Variants in INTS9 observed in about 807,000 individuals in gnomAD.
The protein encoded by INTS9 is protein related to CPSF subunits of 74 kDa.
A neutral mutation model predicts 79.7 loss-of-function variants in INTS9; 55 were observed. The observed-to-expected ratio is 0.69, with a 90% CI of 0.56 to 0.86. The LOEUF (loss-of-function observed/expected upper bound fraction) is 0.86, where lower values mean the gene tolerates loss of function less well. Ranked by LOEUF, INTS9 falls within the 40% of genes least tolerant of loss-of-function variation. The pLI, the probability that INTS9 is intolerant of heterozygous loss-of-function variation, is 0.00. For missense variants in INTS9, 721 were observed against 831.5 expected (o/e 0.87, Z 1.64); for synonymous variants, 319 against 325.2 (o/e 0.98, Z 0.20).
chr8:28,788,153 A>G (rs184806917), intron 10 of INTS9, among the ~76,000 whole-genome samples: 2 of 152,350 alleles, frequency 1.3e-5, no homozygotes, highest in East Asian at 3.8e-4. Context: ...GAAAAGCTGC[A>G]AAGACAGTAC....
rs541906475 is a variant in INTS9 at position 28,867,459 on chromosome 8, C to T, written c.10-7896G>A. Among the ~76,000 whole-genome samples, 304 of 151,546 alleles carry T rather than the reference C, an allele frequency of 2.0e-3. 3 individuals are homozygous for T. Among genetic ancestry groups the T allele is most frequent in the African/African-American group, 6.9e-3 (286 of 41,262 alleles). ...CAGGTGTGGTGGCGTGAGCCTTAAT[C>T]CCAGCTACTTGGGAGGCTGAGACAG... is the stretch of plus-strand genomic sequence containing the variant. On this transcript the variant is annotated intron_variant, in intron 1 of 16. Coordinates refer to ENST00000521022, the MANE Select transcript of INTS9 (RefSeq NM_018250.4).
chr8:28,885,229 TA>T (rs1164740225), intron 1 of INTS9, among the ~76,000 whole-genome samples: 1 of 152,256 alleles, frequency 6.6e-6, no homozygotes. Context: ...TCTCAAGTTT[TA>T]AAATTTGTAA....
At chr8:28,812,243 A>AATGG in intron 8 of INTS9, 84 bp downstream of exon 8, 7 of 1,357,002 alleles carry the variant, frequency 5.2e-6, no homozygotes, top group Non-Finnish European at 7.2e-6. Flanking sequence ...AAGATTTAAA[A>AATGG]ATGGCTGATG....
At chr8:28,836,386 A>G (rs1806808492) in intron 5 of INTS9, among the ~76,000 whole-genome samples, 1 of 152,208 alleles carries the variant, frequency 6.6e-6, no homozygotes, top group Non-Finnish European at 1.5e-5. Context: ...CCACAAAGGT[A>G]GAAATGGATT....
At chr8:28,851,377 T>A (rs1229243331) in intron 2 of INTS9, among the ~76,000 whole-genome samples, 1 of 152,024 alleles carries the variant, frequency 6.6e-6, no homozygotes, top group Non-Finnish European at 1.5e-5. Flanking sequence ...TATAAATGCA[T>A]CTATTTTCAG....
chr8:28,860,476 T>A (rs773169706), intron 1 of INTS9, among the ~76,000 whole-genome samples: 25 of 140,382 alleles, frequency 1.8e-4, no homozygotes, highest in African/African-American at 6.3e-4. Flanking sequence ...CATTCTCTCC[T>A]TTTTTTTTTT....
At chr8:28,883,097 C>A (rs777196919) in intron 1 of INTS9, among the ~76,000 whole-genome samples, 1 of 152,200 alleles carries the variant, frequency 6.6e-6, no homozygotes, top group Non-Finnish European at 1.5e-5. Flanking sequence ...CAACTCCAGG[C>A]TTCCTCTCAC....
intron 4 of INTS9, among the ~76,000 whole-genome samples, chr8:28,842,579 G>A (rs899511981): frequency 6.6e-6 from 1 of 152,040 alleles, no homozygotes; most frequent in Non-Finnish European, 1.5e-5. Flanking sequence ...ACTCATCTTG[G>A]TCGGGTCATC....
At chr8:28,811,570 GC>G (rs1460598736) in intron 8 of INTS9, among the ~76,000 whole-genome samples, 1 of 152,108 alleles carries the variant, frequency 6.6e-6, no homozygotes, top group Non-Finnish European at 1.5e-5. Context: ...CACAGCGTGT[GC>G]CACCACACCC....
chr8:28,800,083 TACTATTTAC>T (rs1804437130), intron 8 of INTS9, among the ~76,000 whole-genome samples: 8 of 152,182 alleles, frequency 5.3e-5, no homozygotes, highest in Non-Finnish European at 1.0e-4. Flanking sequence ...AAACTGAAAG[TACTATTTAC>T]TTGTCTGTGT....
Position 28,787,845 on chromosome 8 carries a change from G to A in INTS9, c.1082C>T (p.Pro361Leu). 1.2e-6 allele frequency: 2 copies of A among 1,608,444 alleles called. No homozygotes were observed. The highest frequency in any genetic ancestry group is 1.7e-6 in the Non-Finnish European group (2 of 1,175,540). The change falls in exon 11 of 17, where the codon CCT becomes CTT. Residue 361 changes from proline (P) to leucine (L), a missense_variant. Transcript: ENST00000521022. Reference protein sequence around the residue: ...KQSKVYLPEPPFPHAELIQTN... With the variant: ...KQSKVYLPEPLFPHAELIQTN... ...TTTTCTTACCTCTGCATGAGGAAAA[G>A]GTGGTTCTGGAAGATACACCTTACT...
At chr8:28,863,843 T>C (rs563404491) in intron 1 of INTS9, among the ~76,000 whole-genome samples, 1 of 152,322 alleles carries the variant, frequency 6.6e-6, no homozygotes, top group Non-Finnish European at 1.5e-5. Context: ...ACAGCAATTA[T>C]ATTGTATTAG....
In INTS9 at chr8:28,768,027, T is replaced by G; in HGVS notation, c.*119A>C. On this transcript the variant is annotated 3_prime_UTR_variant, in exon 17 of 17. Coordinates refer to ENST00000521022, the MANE Select transcript of INTS9 (RefSeq NM_018250.4). ...CCTCAAGAGCCACCTCTTCACTCCT[T>G]AAGCCAGAGGACACCACAAAGACAC... is the stretch of plus-strand genomic sequence containing the variant. The G allele has an allele frequency of 1.1e-6, 1 of 913,974 alleles. No homozygotes were observed. Among genetic ancestry groups the G allele is most frequent in the South Asian group, 1.5e-5 (1 of 67,946 alleles). The allele number at this position is 913,974 out of a possible 1,614,324, so 56.6% of individuals were successfully genotyped here.
At chr8:28,843,311 T>C (rs780028370) in intron 4 of INTS9, among the ~76,000 whole-genome samples, 4 of 152,246 alleles carry the variant, frequency 2.6e-5, no homozygotes, top group Admixed American at 6.5e-5. Flanking sequence ...CTCCTTTAAG[T>C]GTTAGAACTC....
chr8:28,772,451 T>C (rs140808073), intron 14 of INTS9, among the ~76,000 whole-genome samples: 107 of 152,224 alleles, frequency 7.0e-4, no homozygotes, highest in African/African-American at 2.4e-3. Flanking sequence ...AGGCAGAGGT[T>C]GCAGTGAGCC....
chr8:28,887,146 T>A (rs1210923417), intron 1 of INTS9, among the ~76,000 whole-genome samples: 1 of 152,188 alleles, frequency 6.6e-6, no homozygotes, highest in Non-Finnish European at 1.5e-5. Context: ...AGAAGTGTTA[T>A]TTAGACAGAG....
At chr8:28,811,538 T>A (rs1805145654) in intron 8 of INTS9, among the ~76,000 whole-genome samples, 1 of 152,070 alleles carries the variant, frequency 6.6e-6, no homozygotes, top group African/African-American at 2.4e-5. Context: ...CCTTCTGCCT[T>A]AGCTTCCTGA....
At chr8:28,781,658 C>T (rs1439019317) in intron 11 of INTS9, among the ~76,000 whole-genome samples, 1 of 152,140 alleles carries the variant, frequency 6.6e-6, no homozygotes, top group Admixed American at 6.5e-5. Context: ...GGAACCTATT[C>T]CTAAGTGAAG....
chr8:28,789,703 C>T (rs964484591), intron 10 of INTS9, among the ~76,000 whole-genome samples: 1 of 152,048 alleles, frequency 6.6e-6, no homozygotes, highest in Non-Finnish European at 1.5e-5. Context: ...TGGGTTCAGA[C>T]GAGATGCAAC....
Sources: allele counts gnomAD v4.1 joint callset (sites outside exome capture counted in the v4.1 genomes callset), GRCh38; gene constraint gnomAD v4.1.1; transcripts MANE v1.5; gene names NCBI Gene and HGNC (gene_info 2026-07-23, HGNC 2026-07-21).